The following KIAA1549 variants were observed in gnomAD, a reference collection of about 807,000 sequenced individuals.
KIAA1549 encodes the protein UPF0606 protein KIAA1549.
In KIAA1549, 70 loss-of-function variants were observed where a neutral mutation model predicts 156.4. The observed-to-expected ratio is 0.45, with a 90% CI of 0.37 to 0.55. The LOEUF is 0.55. Among genes scored for constraint, KIAA1549 ranks in the 20% least tolerant of loss-of-function variants. The probability of loss-of-function intolerance (pLI) is 0.00; values close to 1 mark genes in which losing one functional copy is unlikely to be tolerated. For missense variants in KIAA1549, 2,428 were observed against 2,540.9 expected, an observed-to-expected ratio of 0.96 and a Z score of 0.96; for synonymous variants, 1,103 against 1,066.4, an observed-to-expected ratio of 1.03 and a Z score of -0.67.
chr7:138,954,177 A>C (rs1813588859), intron 1 of KIAA1549, among the ~76,000 whole-genome samples: 1 of 152,232 alleles, frequency 6.6e-6, no homozygotes, highest in South Asian at 2.1e-4. Flanking sequence ...TTGCTAGAAG[A>C]ATATGAAGCA....
chr7:138,850,896 T>C (rs1397389576), intron 17 of KIAA1549, among the ~76,000 whole-genome samples: 1 of 152,214 alleles, frequency 6.6e-6, no homozygotes, highest in Non-Finnish European at 1.5e-5. Context: ...ATACTCTGAG[T>C]GATTTCACTT....
chr7:138,870,903 C>G (rs1434332323), intron 13 of KIAA1549, among the ~76,000 whole-genome samples: 1 of 152,134 alleles, frequency 6.6e-6, no homozygotes, highest in African/African-American at 2.4e-5. Flanking sequence ...GTGCAAACTC[C>G]CCCTCCCGGG....
intron 1 of KIAA1549, among the ~76,000 whole-genome samples, chr7:138,940,412 C>T (rs1032494203): frequency 1.3e-5 from 2 of 149,802 alleles, no homozygotes; most frequent in African/African-American, 4.9e-5. Context: ...TCCAGTCTAT[C>T]GTTGTTGGAC....
intron 1 of KIAA1549, among the ~76,000 whole-genome samples, chr7:138,932,914 G>A (rs1029208714): frequency 4.6e-5 from 7 of 152,188 alleles, no homozygotes; most frequent in African/African-American, 1.7e-4. Flanking sequence ...TGGATAATCC[G>A]AGCCTGAGAT....
At chr7:138,879,086 C>T (rs1355612549) in intron 12 of KIAA1549, among the ~76,000 whole-genome samples, 1 of 152,206 alleles carries the variant, frequency 6.6e-6, no homozygotes, top group Non-Finnish European at 1.5e-5. Flanking sequence ...ACCATCTGAT[C>T]ACACTAAACC....
chr7:138,857,523 G>A (rs952242207), intron 16 of KIAA1549, among the ~76,000 whole-genome samples: 1 of 152,200 alleles, frequency 6.6e-6, no homozygotes, highest in Non-Finnish European at 1.5e-5. Flanking sequence ...CTGCCAAACT[G>A]TTTTTCAAAG....
Position 138,977,061 on chromosome 7 carries a change from GAAA to G in KIAA1549, c.187+4019_187+4021del, listed in dbSNP as rs369493125. On this transcript the variant is annotated intron_variant, in intron 1 of 19. Coordinates refer to ENST00000422774, the MANE Select transcript of KIAA1549 (RefSeq NM_001164665.2). The stretch of plus-strand genomic sequence containing the variant: ...GGCCAATAATAAAACAGCACATTAA[GAAA>G]AAAATTTCACACACCATAAGCATAA... Among the ~76,000 whole-genome samples the G allele has an allele frequency of 5.1e-4, 78 of 151,958 alleles. No individual in the cohort carries two copies. In the East Asian group the frequency reaches 0.013, roughly 25 times the overall value.
Position 138,899,002 on chromosome 7 carries a change from C to A in KIAA1549, c.3800G>T (p.Arg1267Ile). 1.9e-6 allele frequency: 3 copies of A among 1,613,844 alleles called. No individual in the cohort carries two copies. The highest frequency in any genetic ancestry group is 2.5e-6 in the Non-Finnish European group (3 of 1,179,762). The part of the protein sequence containing the change: ...SDLINKMDLQ[R>I]AAIILGYRIQ... ...TCGGTAACCCAAGATGATGGCTGCTCTCTGGAGGTCCATTTTGTTAATCAG... is the reference window on the plus strand; with the variant it reads ...TCGGTAACCCAAGATGATGGCTGCTATCTGGAGGTCCATTTTGTTAATCAG... Residue 1267 changes from arginine (R) to isoleucine (I), a missense_variant, in exon 9 of 20, where the codon AGA (arginine) becomes ATA (isoleucine). Arg to Ile is a moderately conservative substitution (Grantham distance 97). Transcript: ENST00000422774.
At chr7:138,861,478 GAAGA>G (rs1209027537) in intron 15 of KIAA1549, 22 bp from the exon 16 acceptor site, 2 of 1,584,790 alleles carry the variant, frequency 1.3e-6, no homozygotes, top group Non-Finnish European at 1.7e-6. Flanking sequence ...AATGGCAAAG[GAAGA>G]ATCACACATG....
chr7:138,841,947 T>C (rs1053167702), intron 18 of KIAA1549, among the ~76,000 whole-genome samples: 1 of 150,038 alleles, frequency 6.7e-6, no homozygotes, highest in Admixed American at 6.6e-5. Context: ...TAATGATAAC[T>C]AAAAGTCAGG....
At chr7:138,869,510 C>G (rs780055790) in intron 14 of KIAA1549, 28 bp downstream of exon 14, 98 of 1,529,346 alleles carry the variant, frequency 6.4e-5, no homozygotes, top group Non-Finnish European at 8.5e-5. Context: ...GCGCCCGCCC[C>G]ACCGCCTAGC....
rs1169629073 is a variant in KIAA1549 at position 138,837,409 on chromosome 7, T to C, written c.*497A>G. ...CCAAACAGTCTTAGTATTCTTGTTG[T>C]TAATGTTACTATTAAAATAAGTTCC... On this transcript the variant is annotated 3_prime_UTR_variant, in exon 20 of 20. Transcript: ENST00000422774. The C allele has an allele frequency of 4.3e-6, 1 of 234,632 alleles. No homozygotes were observed. Among genetic ancestry groups the C allele is most frequent in the Non-Finnish European group, 8.4e-6 (1 of 119,350 alleles). The allele number at this position is 234,632 out of a possible 1,614,324, so 14.5% of individuals were successfully genotyped here.
At chr7:138,956,449 A>G (rs1315995117) in intron 1 of KIAA1549, among the ~76,000 whole-genome samples, 2 of 152,226 alleles carry the variant, frequency 1.3e-5, no homozygotes, top group East Asian at 3.8e-4. Flanking sequence ...TGTAGCTCCC[A>G]TAATTCCCAT....
intron 1 of KIAA1549, among the ~76,000 whole-genome samples, chr7:138,925,885 T>C (rs900271378): frequency 6.8e-6 from 1 of 147,260 alleles, no homozygotes. Flanking sequence ...AGAGTACAAT[T>C]GAGTTGAAAG....
intron 1 of KIAA1549, among the ~76,000 whole-genome samples, chr7:138,954,621 C>G (rs1813608145): frequency 1.3e-5 from 2 of 152,110 alleles, no homozygotes; most frequent in Non-Finnish European, 2.9e-5. Flanking sequence ...CCCCCTCCCC[C>G]CACAACAATG....
intron 17 of KIAA1549, among the ~76,000 whole-genome samples, chr7:138,849,817 T>C (rs368652865): frequency 1.3e-5 from 2 of 152,328 alleles, no homozygotes; most frequent in South Asian, 4.1e-4. Flanking sequence ...ATGTAGTATT[T>C]GGTTTTCTGT....
chr7:138,946,878 C>G (rs79420247), intron 1 of KIAA1549, among the ~76,000 whole-genome samples: 1 of 152,202 alleles, frequency 6.6e-6, no homozygotes, highest in Non-Finnish European at 1.5e-5. Flanking sequence ...AGCGCCTCTG[C>G]AGGTGAGACT....
intron 17 of KIAA1549, among the ~76,000 whole-genome samples, chr7:138,848,834 T>G (rs1290086785): frequency 6.6e-6 from 1 of 152,216 alleles, no homozygotes; most frequent in Non-Finnish European, 1.5e-5. Flanking sequence ...ACTGTAATTA[T>G]GATTTCCACT....
At chr7:138,838,827 A>T (rs1809824724) in intron 19 of KIAA1549, among the ~76,000 whole-genome samples, 1 of 152,132 alleles carries the variant, frequency 6.6e-6, no homozygotes, top group African/African-American at 2.4e-5. Context: ...CACTTCTCCA[A>T]ATAGTGACCG....
Sources: allele counts gnomAD v4.1 joint callset (sites outside exome capture counted in the v4.1 genomes callset), GRCh38; gene constraint gnomAD v4.1.1; transcripts MANE v1.5; gene names NCBI Gene and HGNC (gene_info 2026-07-23, HGNC 2026-07-21).